The following PPFIA1 variants were observed in gnomAD, a reference collection of about 807,000 sequenced individuals.
The protein encoded by PPFIA1 is PPFI scaffold protein A1.
PPFIA1 carries 25 observed loss-of-function variants against 149.9 expected under a neutral mutation model. The ratio of observed to expected loss-of-function variants is 0.17; its 90% CI spans 0.12 to 0.23. The LOEUF is 0.23. PPFIA1 is among the 10% of genes least tolerant of loss of function. The probability of loss-of-function intolerance (pLI) is 1.00; values close to 1 mark genes in which losing one functional copy is unlikely to be tolerated. For synonymous variants in PPFIA1, 549 were observed against 552.8 expected, an observed-to-expected ratio of 0.99 and a Z score of 0.10; for missense variants, 1,362 against 1,506.5, an observed-to-expected ratio of 0.90 and a Z score of 1.59.
At chr11:70,362,675 T>C (rs2056723690) in intron 21 of PPFIA1, 187 bp downstream of exon 21, 8 of 460,938 alleles carry the variant, frequency 1.7e-5, no homozygotes, top group Non-Finnish European at 2.9e-5. Flanking sequence ...AAAGAAACTT[T>C]ATTAAATGCT....
chr11:70,272,624 A>G (rs1272128407), intron 2 of PPFIA1, among the ~76,000 whole-genome samples, 188 bp downstream of exon 2: 1 of 152,176 alleles, frequency 6.6e-6, no homozygotes, highest in Admixed American at 6.5e-5. Flanking sequence ...AAATCGTTGT[A>G]CTCTAAAGTC....
At chr11:70,322,638 A>T (rs2054009957) in intron 2 of PPFIA1, among the ~76,000 whole-genome samples, 1 of 152,236 alleles carries the variant, frequency 6.6e-6, no homozygotes, top group Non-Finnish European at 1.5e-5. Context: ...TACTGAATTG[A>T]AGAGCTATTC....
chr11:70,350,942 A>T (rs2137270270), intron 16 of PPFIA1: 1 of 1,093,464 alleles, frequency 9.1e-7, no homozygotes, highest in East Asian at 6.8e-5. Flanking sequence ...TTAACTTCAA[A>T]GTGTATATAG....
At chr11:70,354,595 C>T (rs2056255326) in intron 17 of PPFIA1, 143 bp downstream of exon 17, 1 of 904,894 alleles carries the variant, frequency 1.1e-6, no homozygotes, top group Non-Finnish European at 1.6e-6. Context: ...ACATGTTACA[C>T]TTAGAATGCT....
intron 2 of PPFIA1, among the ~76,000 whole-genome samples, chr11:70,286,939 TATATAC>T (rs1357712191): frequency 8.2e-6 from 1 of 121,248 alleles, no homozygotes; most frequent in African/African-American, 4.1e-5. Context: ...TATACACATA[TATATAC>T]ACATATACTA....
intron 24 of PPFIA1, 129 bp downstream of exon 24, chr11:70,375,222 G>GTTT: frequency 1.8e-5 from 5 of 271,680 alleles, no homozygotes; most frequent in African/African-American, 3.3e-5. Flanking sequence ...ACTAGTTTTT[G>GTTT]GTTTTTTTTT....
At chr11:70,331,481 C>T (rs528927234) in intron 8 of PPFIA1, among the ~76,000 whole-genome samples, 1 of 152,188 alleles carries the variant, frequency 6.6e-6, no homozygotes, top group East Asian at 1.9e-4. Context: ...CTCCTGGCAG[C>T]AAGAAAACCT....
At chr11:70,277,060 A>ATATATATATATATTTTTTT in intron 2 of PPFIA1, among the ~76,000 whole-genome samples, 2 of 66,312 alleles carry the variant, frequency 3.0e-5, no homozygotes, top group African/African-American at 2.3e-4. Context: ...ATATATATAT[A>ATATATATATATATTTTTTT]TTTTTTTTTT....
intron 21 of PPFIA1, among the ~76,000 whole-genome samples, chr11:70,366,433 A>G (rs1188552897): frequency 6.6e-6 from 1 of 152,224 alleles, no homozygotes; most frequent in African/African-American, 2.4e-5. Context: ...ATGTCCACTT[A>G]AAGATTTTCT....
At chr11:70,358,518 T>G (rs1450161631) in intron 19 of PPFIA1, 1 of 152,252 alleles carries the variant, frequency 6.6e-6, no homozygotes, top group East Asian at 1.9e-4. Context: ...CCACCACGCC[T>G]GGCCTAAAAT....
chr11:70,349,585 T>TA (rs1256351230), intron 16 of PPFIA1, among the ~76,000 whole-genome samples: 9 of 152,276 alleles, frequency 5.9e-5, no homozygotes, highest in Non-Finnish European at 4.4e-5. Flanking sequence ...TTTTTCCCGT[T>TA]ACCATCTATT....
chr11:70,360,751 T>TA (rs2135205121), intron 19 of PPFIA1, among the ~76,000 whole-genome samples: 1 of 152,400 alleles, frequency 6.6e-6, no homozygotes, highest in Non-Finnish European at 1.5e-5. Flanking sequence ...TATTGAAATG[T>TA]ATTGAAGAGC....
At chr11:70,306,420 A>G (rs1240346976) in intron 2 of PPFIA1, among the ~76,000 whole-genome samples, 1 of 152,218 alleles carries the variant, frequency 6.6e-6, no homozygotes, top group Non-Finnish European at 1.5e-5. Context: ...TCCTTTTAAT[A>G]GTATTTTAAA....
intron 2 of PPFIA1, among the ~76,000 whole-genome samples, chr11:70,313,567 T>G (rs140593825): frequency 6.6e-6 from 1 of 151,812 alleles, no homozygotes; most frequent in Non-Finnish European, 1.5e-5. Flanking sequence ...CTAGAAGATA[T>G]GTGTGTGAGG....
chr11:70,315,806 A>G, intron 2 of PPFIA1, among the ~76,000 whole-genome samples: 1 of 149,358 alleles, frequency 6.7e-6, no homozygotes. Flanking sequence ...CATTACTGCC[A>G]CACATTTCCA....
intron 15 of PPFIA1, 35 bp from the exon 16 acceptor site, chr11:70,348,154 A>G: frequency 6.3e-7 from 1 of 1,598,600 alleles, no homozygotes; most frequent in Non-Finnish European, 8.6e-7. Context: ...CTGTTTGCCG[A>G]AACAGGAGGA....
chr11:70,321,745 T>C (rs1216636284), intron 2 of PPFIA1, among the ~76,000 whole-genome samples: 1 of 152,286 alleles, frequency 6.6e-6, no homozygotes, highest in South Asian at 2.1e-4. Flanking sequence ...CTTCACAAAA[T>C]TGACCCAGAT....
At chr11:70,314,309 G>A (rs1222203870) in intron 2 of PPFIA1, among the ~76,000 whole-genome samples, 1 of 152,184 alleles carries the variant, frequency 6.6e-6, no homozygotes, top group Non-Finnish European at 1.5e-5. Context: ...GGAGACAATT[G>A]CAGTGGTGAG....
intron 2 of PPFIA1, among the ~76,000 whole-genome samples, chr11:70,313,784 G>A (rs1446321312): frequency 6.6e-6 from 1 of 152,172 alleles, no homozygotes; most frequent in Non-Finnish European, 1.5e-5. Flanking sequence ...CCAGCACTTT[G>A]GGAGGTGGAG....
Sources: allele counts gnomAD v4.1 joint callset (sites outside exome capture counted in the v4.1 genomes callset), GRCh38; gene constraint gnomAD v4.1.1; transcripts MANE v1.5; gene names NCBI Gene and HGNC (gene_info 2026-07-23, HGNC 2026-07-21).